CD109: variants seen among roughly 807,000 people sequenced by gnomAD.
The protein encoded by CD109 is CD109 antigen.
CD109 carries 149 observed loss-of-function variants against 165.8 expected under a neutral mutation model. The observed-to-expected ratio is 0.90, with a 90% confidence interval of 0.79 to 1.03. The LOEUF is 1.03. Ranked by LOEUF, CD109 falls within the 50% of genes least tolerant of loss-of-function variation. The probability of loss-of-function intolerance (pLI) is 0.00; values close to 1 mark genes in which losing one functional copy is unlikely to be tolerated. For missense variants in CD109, 1,712 were observed against 1,677.8 expected (o/e 1.02, Z -0.36); for synonymous variants, 585 against 592.1 (o/e 0.99, Z 0.18).
intron 15 of CD109, among the ~76,000 whole-genome samples, chr6:73,779,353 A>T (rs1034242398): frequency 7.3e-5 from 11 of 150,566 alleles, no homozygotes; most frequent in Admixed American, 2.0e-4. Flanking sequence ...GGTTCAAACC[A>T]TTCTCCTTCC....
At chr6:73,823,278 T>C (rs932505096) in intron 32 of CD109, among the ~76,000 whole-genome samples, 180 bp from the exon 33 acceptor site, 2 of 152,218 alleles carry the variant, frequency 1.3e-5, no homozygotes, top group African/African-American at 2.4e-5. Flanking sequence ...GTTTCTCTCT[T>C]GGATTTGGTT....
At chr6:73,719,997 A>G (rs1025938423) in intron 2 of CD109, among the ~76,000 whole-genome samples, 8 of 152,230 alleles carry the variant, frequency 5.3e-5, no homozygotes, top group African/African-American at 1.2e-4. Flanking sequence ...TAACTGGTGT[A>G]TATCCAAAGA....
chr6:73,772,315 C>A (rs1774065964), intron 15 of CD109, among the ~76,000 whole-genome samples: 1 of 151,952 alleles, frequency 6.6e-6, no homozygotes, highest in Non-Finnish European at 1.5e-5. Context: ...ACCATCTTGG[C>A]TAACATGGTG....
chr6:73,709,500 G>A (rs550226043), intron 2 of CD109, among the ~76,000 whole-genome samples: 78 of 152,194 alleles, frequency 5.1e-4, no homozygotes, highest in Admixed American at 9.8e-4. Flanking sequence ...TTTTGGTTCC[G>A]TATGAACTTT....
chr6:73,714,210 T>G (rs1470061236), intron 2 of CD109, among the ~76,000 whole-genome samples: 1 of 152,218 alleles, frequency 6.6e-6, no homozygotes, highest in East Asian at 1.9e-4. Context: ...AAGGACTTTT[T>G]CCCGAAAGCT....
intron 5 of CD109, among the ~76,000 whole-genome samples, chr6:73,747,340 A>G (rs1339363195): frequency 6.6e-6 from 1 of 151,090 alleles, no homozygotes; most frequent in East Asian, 1.9e-4. Flanking sequence ...CCAGTCTTCT[A>G]AAAAAAAATG....
intron 4 of CD109, among the ~76,000 whole-genome samples, chr6:73,730,966 C>T (rs1772347651): frequency 6.6e-6 from 1 of 151,488 alleles, no homozygotes; most frequent in African/African-American, 2.4e-5. Context: ...TATAAAGGGA[C>T]AGATATGTAT....
chr6:73,779,891 T>C (rs1774412022), intron 15 of CD109, among the ~76,000 whole-genome samples: 1 of 152,168 alleles, frequency 6.6e-6, no homozygotes, highest in Non-Finnish European at 1.5e-5. Flanking sequence ...CATGCAAATA[T>C]CTCATTTTTG....
chr6:73,710,945 C>A (rs1771515475), intron 2 of CD109, among the ~76,000 whole-genome samples: 1 of 152,176 alleles, frequency 6.6e-6, no homozygotes, highest in Admixed American at 6.5e-5. Context: ...TTTATGGATG[C>A]TGAAATTTTG....
rs1776264905 is a variant in CD109 at position 73,826,054 on chromosome 6, C to G, written c.*2421C>G. 6.6e-6 allele frequency: 1 copy of G among 152,108 alleles called. No individual in the cohort carries two copies. The allele number at this position is 152,108 out of a possible 1,614,324, so 9.4% of individuals were successfully genotyped here. ...AGTTTATTAAAAATGAAGAGGACAA[C>G]AATGAGAAGGAACATAAAGGGTTAG... On this transcript the variant is annotated 3_prime_UTR_variant, in exon 33 of 33. Transcript: ENST00000287097.
chr6:73,738,119 G>T (rs1421740714), intron 5 of CD109, among the ~76,000 whole-genome samples: 1 of 152,198 alleles, frequency 6.6e-6, no homozygotes, highest in Non-Finnish European at 1.5e-5. Flanking sequence ...GACAAACACA[G>T]GGCAGTGCAA....
At chr6:73,742,482 T>C (rs1428829507) in intron 5 of CD109, among the ~76,000 whole-genome samples, 1 of 152,248 alleles carries the variant, frequency 6.6e-6, no homozygotes, top group Non-Finnish European at 1.5e-5. Flanking sequence ...GAAAGGCTAA[T>C]GTTGGTGTCT....
chr6:73,693,276 C>T (rs925697931), upstream of CD109, among the ~76,000 whole-genome samples: 1 of 152,074 alleles, frequency 6.6e-6, no homozygotes, highest in Non-Finnish European at 1.5e-5. Flanking sequence ...GGAAGGGGAG[C>T]TAGTGTGCAG....
Position 73,810,041 on chromosome 6 carries a change from G to A in CD109, c.3413G>A (p.Arg1138His), listed in dbSNP as rs186609790. The A allele has an allele frequency of 5.3e-5, 85 of 1,605,326 alleles. No homozygotes were observed. In the East Asian group the frequency reaches 6.8e-4, roughly 13 times the overall value. The change falls in exon 27 of 33, where the codon CGC (arginine) becomes CAC (histidine). Residue 1138 changes from arginine to histidine, a missense_variant. Physicochemically the swap from Arg to His is conservative, Grantham distance 29. Transcript: ENST00000287097. The part of the protein sequence containing the change: ...ESKLSDSWQP[R>H]SLDIEVAAYA... ...AAACTTTCTGACTCCTGGCAGCCAC[G>A]CTCCCTGGATATTGAAGTTGCAGCC... is the stretch of plus-strand genomic sequence containing the variant.
chr6:73,741,318 C>T (rs1455442852), intron 5 of CD109, among the ~76,000 whole-genome samples: 2 of 152,276 alleles, frequency 1.3e-5, no homozygotes, highest in East Asian at 3.9e-4. Flanking sequence ...ACCAAGTCTT[C>T]TACTTCTGCC....
rs1322090398 is a variant in CD109 at position 73,756,761 on chromosome 6, G to GTAT, written c.673+84_673+86dup. On this transcript the variant is annotated intron_variant, in intron 6 of 32. Coordinates refer to ENST00000287097, the MANE Select transcript of CD109 (RefSeq NM_133493.5). Reference sequence around the variant, plus strand: ...GAGATTAGAGAAATTTTTAAGAGATGTATTATTTGAAGTAAAAATCTCAAT... The same window carrying GTAT: ...GAGATTAGAGAAATTTTTAAGAGATGTATTATTATTTGAAGTAAAAATCTCAAT... 1.7e-5 allele frequency: 17 copies of GTAT among 1,000,256 alleles called. No homozygotes were observed. The African/African-American group carries it at 2.6e-4, about 15-fold the overall frequency. The allele number at this position is 1,000,256 out of a possible 1,614,324, so 62.0% of individuals were successfully genotyped here. A position where few individuals can be genotyped will look rare whatever the true frequency, so the allele number is the denominator to read the frequency against.
chr6:73,714,346 G>A (rs9293937), intron 2 of CD109, among the ~76,000 whole-genome samples: 45,122 of 152,052 alleles, frequency 0.3, 6,795 homozygotes, highest in Admixed American at 0.35. Flanking sequence ...ACTGATTGAC[G>A]TGGGGTATGA....
At chr6:73,801,137 G>A (rs779975497) in intron 23 of CD109, among the ~76,000 whole-genome samples, 3 of 152,218 alleles carry the variant, frequency 2.0e-5, no homozygotes, top group Admixed American at 6.5e-5. Context: ...AATTGGAAGA[G>A]CTCTGTGATT....
intron 5 of CD109, among the ~76,000 whole-genome samples, chr6:73,738,753 C>T (rs1012905726): frequency 6.6e-6 from 1 of 152,210 alleles, no homozygotes; most frequent in Non-Finnish European, 1.5e-5. Context: ...CTCTTGAACT[C>T]TATGCTTTAG....
Sources: gnomAD v4.1 joint callset for allele counts (sites outside exome capture counted in the v4.1 genomes callset) on GRCh38, gnomAD v4.1.1 for gene constraint, MANE v1.5 for transcripts, NCBI Gene and HGNC (gene_info 2026-07-23, HGNC 2026-07-21) for gene names.